The following SMG1 variants were observed in gnomAD, a reference collection of about 807,000 sequenced individuals.
SMG1 encodes the protein serine/threonine-protein kinase SMG1.
Under a neutral mutation model 419.9 loss-of-function variants are expected in SMG1, and 22 were observed. The observed-to-expected ratio is 0.05, with a 90% CI of 0.04 to 0.07. The LOEUF is 0.07. Among genes scored for constraint, SMG1 ranks in the 10% least tolerant of loss-of-function variants. The pLI is 1.00. For synonymous variants in SMG1, 1,538 were observed against 1,553.5 expected, an observed-to-expected ratio of 0.99 and a Z score of 0.23; for missense variants, 3,185 against 4,342.0, an observed-to-expected ratio of 0.73 and a Z score of 7.49.
In SMG1 at chr16:18,817,285, A is replaced by G; in HGVS notation, c.10074+6T>C. ...TTTAATCAAGTTTCTTTCCACCAAGACTCACCACTCTCTGTAATAAACGAA... is the reference window on the plus strand; with the variant it reads ...TTTAATCAAGTTTCTTTCCACCAAGGCTCACCACTCTCTGTAATAAACGAA... On this transcript the variant is annotated splice_donor_region_variant and intron_variant, in intron 57 of 62. Transcript: ENST00000446231. 1 of 1,603,934 alleles carries G rather than the reference A, an allele frequency of 6.2e-7. No homozygotes were observed. The highest frequency in any genetic ancestry group is 8.5e-7 in the Non-Finnish European group (1 of 1,176,156).
At chr16:18,869,435 G>C (rs1274924359) in intron 19 of SMG1, 132 bp from the exon 20 acceptor site, 1 of 726,130 alleles carries the variant, frequency 1.4e-6, no homozygotes, top group Admixed American at 2.8e-5. Context: ...CTATGAAATT[G>C]AGAAGCATTG....
rs1406228774 is a variant in SMG1 at position 18,926,370 on chromosome 16, C to G, written c.-329G>C. The G allele has an allele frequency of 1.0e-5, 3 of 300,674 alleles. No homozygotes were observed. Among genetic ancestry groups the G allele is most frequent in the African/African-American group, 2.2e-5 (1 of 45,236 alleles). The allele number at this position is 300,674 out of a possible 1,614,324, so 18.6% of individuals were successfully genotyped here. ...CCCGGAGGACGAGGACGACGAGGAG[C>G]AGGCGGTGGCGGCAGCTCCTCACGC... On this transcript the variant is annotated 5_prime_UTR_variant, in exon 1 of 63. Coordinates refer to ENST00000446231, the MANE Select transcript of SMG1 (RefSeq NM_015092.5).
At chr16:18,906,028 T>C (rs1359543998) in intron 1 of SMG1, among the ~76,000 whole-genome samples, 1 of 152,166 alleles carries the variant, frequency 6.6e-6, no homozygotes, top group African/African-American at 2.4e-5. Context: ...ACCCCAGTCC[T>C]GGATAAACTC....
chr16:18,864,890 T>C (rs964043590), intron 23 of SMG1, among the ~76,000 whole-genome samples: 1 of 152,178 alleles, frequency 6.6e-6, no homozygotes, highest in African/African-American at 2.4e-5. Flanking sequence ...GGAGGTTTGA[T>C]GTCTTCCTCA....
rs1436037538 is a variant in SMG1, at chr16:18,841,804, C to G, written c.6467-10G>C. 6.2e-7 allele frequency: 1 copy of G among 1,609,650 alleles called. No homozygotes were observed. The highest frequency in any genetic ancestry group is 8.5e-7 in the Non-Finnish European group (1 of 1,176,046). On this transcript the variant is annotated splice_polypyrimidine_tract_variant and intron_variant, in intron 40 of 62. Transcript: ENST00000446231. ...TGTAAATCCTCCAGTCCTATGAAAACAAAATTAAAATAGCTAGGATAGGTG... is the reference window on the plus strand; with the variant it reads ...TGTAAATCCTCCAGTCCTATGAAAAGAAAATTAAAATAGCTAGGATAGGTG...
rs764817123 is a variant in SMG1, at chr16:18,863,815, T to G, written c.3530A>C (p.Asp1177Ala). ...ATAATTTATAACCTCAGGGGAAGAG[T>G]CAGTCGGTTTGGACAGCACAGTTTT... Reference protein sequence around the residue: ...SRKTVLSKPTDSSPEVINYLG... With the variant: ...SRKTVLSKPTASSPEVINYLG... The change falls in exon 25 of 63, where the codon GAC (aspartate) becomes GCC (alanine). Residue 1177 changes from aspartate (D) to alanine (A), a missense_variant. Asp to Ala is a moderately radical substitution (Grantham distance 126). Around this residue, in one of 27 missense-constraint regions of SMG1, gnomAD observed 121 missense variants for 125.4 expected, o/e 0.96. Transcript: ENST00000446231. 1 of 1,586,412 alleles carries G rather than the reference T, an allele frequency of 6.3e-7. No homozygotes were observed. Among genetic ancestry groups the G allele is most frequent in the Admixed American group, 1.7e-5 (1 of 59,556 alleles).
At chr16:18,924,384 G>A (rs1457538477) in intron 1 of SMG1, among the ~76,000 whole-genome samples, 1 of 152,160 alleles carries the variant, frequency 6.6e-6, no homozygotes, top group Non-Finnish European at 1.5e-5. Flanking sequence ...AAAGCTGTAG[G>A]ACTATTTGGG....
chr16:18,865,744 C>G (rs2035466193), intron 23 of SMG1, among the ~76,000 whole-genome samples: 1 of 151,272 alleles, frequency 6.6e-6, no homozygotes, highest in Admixed American at 6.6e-5. Context: ...CTCACAGCAA[C>G]CTCCGCCTCC....
At chr16:18,859,442 T>C in intron 27 of SMG1, 114 bp downstream of exon 27, 2 of 640,908 alleles carry the variant, frequency 3.1e-6, no homozygotes, top group South Asian at 2.0e-5. Context: ...AAAATGAAGC[T>C]ATTAGCACTA....
chr16:18,806,911 A>G lies in SMG1; in HGVS notation c.*2658T>C, dbSNP rs2030888659. ...AAGTTCAAATGGCAAGTCACCTTGT[A>G]GAATGACTTAACAGAGGAAGCCAAA... On this transcript the variant is annotated 3_prime_UTR_variant, in exon 63 of 63. Transcript: ENST00000446231. 1 of 152,240 alleles carries G rather than the reference A, an allele frequency of 6.6e-6. No homozygotes were observed. The highest frequency in any genetic ancestry group is 1.9e-4 in the East Asian group (1 of 5,198). The allele number at this position is 152,240 out of a possible 1,614,324, so 9.4% of individuals were successfully genotyped here.
chr16:18,820,388 G>A (rs1391765645), intron 55 of SMG1, among the ~76,000 whole-genome samples: 2 of 151,314 alleles, frequency 1.3e-5, no homozygotes, highest in East Asian at 1.9e-4. Context: ...ATTTTCTGTA[G>A]AGACGAGGTT....
rs1243242444 is a variant in SMG1 at position 18,827,000 on chromosome 16, C to T, written c.9741+1031G>A. The stretch of plus-strand genomic sequence containing the variant: ...AAGCCGGTCTGAAAAGCGTAATATT[C>T]GGGTGGGAGTGACCCGATTTTCCAG... On this transcript the variant is annotated intron_variant, in intron 55 of 62. Coordinates refer to ENST00000446231, the MANE Select transcript of SMG1 (RefSeq NM_015092.5). 5.0e-5 allele frequency among the ~76,000 whole-genome samples: 2 copies of T among 39,914 alleles called. 1 individual carries two copies. The highest frequency in any genetic ancestry group is 1.4e-4 in the Non-Finnish European group (2 of 14,152). The allele number at this position is 39,914 out of a possible 152,430, so 26.2% of individuals were successfully genotyped here.
rs2031459217 is a variant in SMG1, at chr16:18,812,050, G to A, written c.10699C>T (p.Leu3567Phe). The change falls in exon 61 of 63, where the codon CTT becomes TTT. Residue 3567 changes from leucine to phenylalanine, a missense_variant. By Grantham distance (22) the Leu-to-Phe change is conservative. Around this residue, in one of 27 missense-constraint regions of SMG1, gnomAD observed 737 missense variants for 846.6 expected, o/e 0.87. Coordinates refer to ENST00000446231, the MANE Select transcript of SMG1 (RefSeq NM_015092.5). The stretch of plus-strand genomic sequence containing the variant: ...GGTGGAGTATCAGCTGATGTAGCAA[G>A]ATTTTTTTGGATCAGCTTTCTAGCA... ...QNARKLIQKN[L>F]ATSADTPPST... 1 of 1,613,980 alleles carries A rather than the reference G, an allele frequency of 6.2e-7. No homozygotes were observed. The highest frequency in any genetic ancestry group is 1.3e-5 in the African/African-American group (1 of 75,050).
chr16:18,812,959 G>T (rs2031615233), intron 60 of SMG1, among the ~76,000 whole-genome samples: 1 of 152,004 alleles, frequency 6.6e-6, no homozygotes, highest in African/African-American at 2.4e-5. Flanking sequence ...TGAGAATGAT[G>T]GTTTCCAGCT....
chr16:18,867,303 G>C lies in SMG1; in HGVS notation c.3196-528C>G, dbSNP rs2035565336. 2.6e-5 allele frequency among the ~76,000 whole-genome samples: 4 copies of C among 152,096 alleles called. No individual in the cohort carries two copies. In the South Asian group the frequency reaches 8.3e-4, roughly 32 times the overall value. Reference sequence around the variant, plus strand: ...AATCCCAGCACTTTGGAAGGCCGAGGTGGGCAGATCACTTGTGGTCAGGAG... The same window carrying C: ...AATCCCAGCACTTTGGAAGGCCGAGCTGGGCAGATCACTTGTGGTCAGGAG... On this transcript the variant is annotated intron_variant, in intron 22 of 62. Transcript: ENST00000446231.
intron 1 of SMG1, among the ~76,000 whole-genome samples, chr16:18,915,617 T>A (rs945973245): frequency 2.6e-5 from 4 of 152,138 alleles, no homozygotes; most frequent in African/African-American, 9.6e-5. Flanking sequence ...GGTTGTATTT[T>A]ACTGGAGATG....
At chr16:18,867,700 C>CTTTTTTTTTTTTTTTTTTTTT in intron 22 of SMG1, among the ~76,000 whole-genome samples, 1 of 87,876 alleles carries the variant, frequency 1.1e-5, no homozygotes, top group Non-Finnish European at 2.1e-5. Context: ...ATTTTAACTT[C>CTTTTTTTTTTTTTTTTTTTTT]TTTTTTTTTT....
At chr16:18,899,241 G>A (rs2037252606) in intron 1 of SMG1, among the ~76,000 whole-genome samples, 1 of 151,992 alleles carries the variant, frequency 6.6e-6, no homozygotes, top group Non-Finnish European at 1.5e-5. Flanking sequence ...CAACTACGAA[G>A]CATCTGATTT....
chr16:18,878,636 AAAAG>A (rs925356290), intron 11 of SMG1: 1 of 152,454 alleles, frequency 6.6e-6, no homozygotes, highest in Non-Finnish European at 1.5e-5. Flanking sequence ...GAAAAGAAAA[AAAAG>A]AAAGAATCTG....
Sources: allele counts gnomAD v4.1 joint callset (sites outside exome capture counted in the v4.1 genomes callset), GRCh38; gene constraint gnomAD v4.1.1; regional missense constraint gnomAD v4.1.1; transcripts MANE v1.5; gene names NCBI Gene and HGNC (gene_info 2026-07-23, HGNC 2026-07-21).